Variants in TTLL3 observed in about 807,000 individuals in gnomAD.
TTLL3 encodes tubulin tyrosine ligase like 3.
TTLL3 carries 63 observed loss-of-function variants against 75.2 expected under a neutral mutation model. The observed-to-expected ratio is 0.84, with a 90% CI of 0.68 to 1.03. TTLL3 has a LOEUF of 1.03. Among genes scored for constraint, TTLL3 ranks in the 50% least tolerant of loss-of-function variants. The pLI is 0.00. For synonymous variants in TTLL3, 393 were observed against 418.5 expected (o/e 0.94, Z 0.74); for missense variants, 997 against 1,069.9 (o/e 0.93, Z 0.95).
At position 9,820,556 on chromosome 3, in the gene TTLL3, G is replaced by C. The variant is rs536347621; in HGVS notation, c.669G>C (p.Gln223His). The change falls in exon 8 of 14, where the codon CAG becomes CAC. Residue 223 changes from glutamine (Q) to histidine (H), a missense_variant. Gln to His is a conservative substitution (Grantham distance 24). Coordinates refer to ENST00000685419, the MANE Select transcript of TTLL3 (RefSeq NM_001387446.1). ...CCTCCCTATGTGCAGGAGACAAGCA[G>C]CCCAAGAAACAGGAGAAAAACCCAG... ...AVEEEASGDK[Q>H]PKKQEKNPVL... is the part of the protein sequence containing the mutation. 5 of 1,614,052 alleles carry C rather than the reference G, an allele frequency of 3.1e-6. No individual in the cohort carries two copies. The South Asian group carries it at 5.5e-5, about 18-fold the overall frequency.
chr3:9,810,845 A>C lies in TTLL3; in HGVS notation c.48+136A>C. The C allele has an allele frequency of 3.8e-6, 3 of 784,040 alleles. No homozygotes were observed. The highest frequency in any genetic ancestry group is 4.0e-6 in the Non-Finnish European group (2 of 505,090). 48.6% of individuals were successfully genotyped at this position (784,040 alleles called of 1,614,324 possible). A position where few individuals can be genotyped will look rare whatever the true frequency, so the allele number is the denominator to read the frequency against. On this transcript the variant is annotated intron_variant, in intron 2 of 13. Coordinates refer to ENST00000685419, the MANE Select transcript of TTLL3 (RefSeq NM_001387446.1). The surrounding 1 kb of genome is among the most constrained non-coding windows in gnomAD (Gnocchi z 4.4). ...GCAAAAATCCTCAACCACCACACCC[A>C]TCTTCAACTACCTCCCCGTTTACCC...
intron 8 of TTLL3, 197 bp from the exon 9 acceptor site, chr3:9,825,603 G>A (rs1469454674): frequency 3.4e-6 from 3 of 887,622 alleles, no homozygotes; most frequent in East Asian, 5.4e-5. Context: ...CATTTGTGTA[G>A]TCTGGGCAGG....
chr3:9,811,458 C>G (rs995879208), intron 2 of TTLL3, among the ~76,000 whole-genome samples: 5 of 152,206 alleles, frequency 3.3e-5, no homozygotes, highest in Admixed American at 2.0e-4. Context: ...CTTGTCATCT[C>G]CACCTCCAAA....
At chr3:9,814,185 A>C (rs1337953831) in intron 4 of TTLL3, among the ~76,000 whole-genome samples, 4 of 151,778 alleles carry the variant, frequency 2.6e-5, no homozygotes, top group African/African-American at 9.7e-5. Flanking sequence ...CAACAACAAA[A>C]AGTAGCTGAC....
At chr3:9,834,151 T>C in intron 12 of TTLL3, 1 of 286,838 alleles carries the variant, frequency 3.5e-6, no homozygotes, top group Non-Finnish European at 7.0e-6. Context: ...CAAATGAGTA[T>C]TGTCTCCTCC....
rs2079281312 is a variant in TTLL3, at chr3:9,810,791, AAAAAAC to A, written c.48+87_48+92del. ...CCCTGCGCTGTTTTCTTATATCCTT[AAAAAAC>A]AAAAGCAAAAGAAAAAACAATAGCA... On this transcript the variant is annotated intron_variant, in intron 2 of 13. Transcript: ENST00000685419. The surrounding 1 kb of genome is among the most constrained non-coding windows in gnomAD (Gnocchi z 4.4). The A allele has an allele frequency of 2.7e-5, 35 of 1,297,514 alleles. No individual in the cohort carries two copies. Among genetic ancestry groups the A allele is most frequent in the Non-Finnish European group, 3.6e-5 (34 of 953,404 alleles). The allele number at this position is 1,297,514 out of a possible 1,614,324, so 80.4% of individuals were successfully genotyped here.
At chr3:9,830,070 T>C (rs2081380036) in intron 11 of TTLL3, among the ~76,000 whole-genome samples, 1 of 152,220 alleles carries the variant, frequency 6.6e-6, no homozygotes, top group African/African-American at 2.4e-5. Flanking sequence ...CTCGAGCTCC[T>C]GACCTCAGGT....
chr3:9,832,214 T>C (rs894319593), intron 11 of TTLL3, among the ~76,000 whole-genome samples: 1 of 150,342 alleles, frequency 6.7e-6, no homozygotes, highest in Admixed American at 6.7e-5. Context: ...ACCTCCCGAG[T>C]AGCTGGGATT....
intron 8 of TTLL3, 137 bp downstream of exon 8, chr3:9,820,878 A>G: frequency 7.2e-7 from 1 of 1,389,138 alleles, no homozygotes; most frequent in Non-Finnish European, 9.5e-7. Context: ...ACCCTCGAGG[A>G]CTCCCACTGC....
intron 9 of TTLL3, among the ~76,000 whole-genome samples, chr3:9,826,377 G>A (rs987194333): frequency 2.6e-5 from 4 of 152,128 alleles, no homozygotes; most frequent in Non-Finnish European, 4.4e-5. Flanking sequence ...CCTAATTTTT[G>A]TTTTGTTTTA....
At chr3:9,826,280 A>G (rs1011742918) in intron 9 of TTLL3, among the ~76,000 whole-genome samples, 1 of 152,228 alleles carries the variant, frequency 6.6e-6, no homozygotes, top group African/African-American at 2.4e-5. Context: ...CACATGATCC[A>G]GAAGGATATC....
At chr3:9,811,134 C>A (rs1169687223) in intron 2 of TTLL3, among the ~76,000 whole-genome samples, 1 of 152,208 alleles carries the variant, frequency 6.6e-6, no homozygotes, top group Non-Finnish European at 1.5e-5. Flanking sequence ...ATTAGTGGCC[C>A]CCTGGCCCCT....
upstream of TTLL3, chr3:9,809,939 A>C: frequency 6.5e-6 from 1 of 153,914 alleles, no homozygotes; most frequent in Non-Finnish European, 1.0e-5. Context: ...ACTTCCCGGG[A>C]GAGGAGGCGG....
Position 9,813,377 on chromosome 3 carries a change from G to C in TTLL3, c.315+32G>C, listed in dbSNP as rs769683679. On this transcript the variant is annotated intron_variant, in intron 4 of 13. Coordinates refer to ENST00000685419, the MANE Select transcript of TTLL3 (RefSeq NM_001387446.1). ...GCCCTGGGGGCCAAGATGATACAGG[G>C]ACTGCCTGCTTAGAGGGAGGGCATT... 54 of 1,612,012 alleles carry C rather than the reference G, an allele frequency of 3.3e-5. 2 individuals are homozygous for C. In the South Asian group the frequency reaches 5.5e-4, roughly 16 times the overall value.
chr3:9,823,739 AAG>A (rs2124890484), intron 8 of TTLL3, among the ~76,000 whole-genome samples: 1 of 152,296 alleles, frequency 6.6e-6, no homozygotes, highest in Admixed American at 6.5e-5. Flanking sequence ...CTCCTTAAAA[AAG>A]AGAAAGTTCT....
At position 9,816,091 on chromosome 3, in the gene TTLL3, T is replaced by C; in HGVS notation, c.333T>C (p.Asn111=). 1 of 1,353,260 alleles carries C rather than the reference T, an allele frequency of 7.4e-7. No individual in the cohort carries two copies. Among genetic ancestry groups the C allele is most frequent in the Non-Finnish European group, 9.9e-7 (1 of 1,015,190 alleles). 83.8% of individuals were successfully genotyped at this position (1,353,260 alleles called of 1,614,324 possible). A position where few individuals can be genotyped will look rare whatever the true frequency, so the allele number is the denominator to read the frequency against. ...THALMSRMVQ[N]EIPYFIWTTR... ...CTCCCCAGTCCCGCATGGTCCAGAA[T>C]GAGATCCCCTACTTCATCTGGACCA... is the stretch of plus-strand genomic sequence containing the variant. The change falls in exon 5 of 14, where the codon AAT becomes AAC. Residue 111 remains asparagine (N), a synonymous_variant. Coordinates refer to ENST00000685419, the MANE Select transcript of TTLL3 (RefSeq NM_001387446.1).
intron 4 of TTLL3, among the ~76,000 whole-genome samples, chr3:9,813,881 G>A (rs551440569): frequency 2.4e-3 from 363 of 152,212 alleles, no homozygotes; most frequent in Middle Eastern, 0.024. Context: ...TCAGAGCTCT[G>A]CTAGGTCATA....
At chr3:9,810,150 T>A, upstream of TTLL3, 1 of 1,474,612 alleles carries the variant, frequency 6.8e-7, no homozygotes, top group African/African-American at 1.5e-5. This position sits in a 1 kb window ranked among gnomAD's most constrained non-coding sequence, Gnocchi z 4.4. Flanking sequence ...CACGCACCAG[T>A]TTCCCCTCGG....
upstream of TTLL3, chr3:9,809,981 G>GGGAGGGCGGGCGCGGGATCAGGGGCCCT: frequency 7.7e-7 from 1 of 1,300,284 alleles, no homozygotes. Context: ...CAGGGGCCCT[G>GGGAGGGCGGGCGCGGGATCAGGGGCCCT]GGAGGGCGAG....
Sources: allele counts gnomAD v4.1 joint callset (sites outside exome capture counted in the v4.1 genomes callset), GRCh38; gene constraint gnomAD v4.1.1; non-coding constraint Gnocchi (gnomAD v3.1); transcripts MANE v1.5; gene names NCBI Gene and HGNC (gene_info 2026-07-23, HGNC 2026-07-21).